Variants in ZC3H13 observed in about 807,000 individuals in gnomAD.
The protein encoded by ZC3H13 is zinc finger CCCH-type containing 13, also known as zinc finger CCCH domain-containing protein 13.
Under a neutral mutation model 204.1 loss-of-function variants are expected in ZC3H13, and 64 were observed. The ratio of observed to expected loss-of-function variants is 0.31; its 90% CI spans 0.26 to 0.39. The LOEUF (loss-of-function observed/expected upper bound fraction) is 0.39, where lower values mean the gene tolerates loss of function less well. Among genes scored for constraint, ZC3H13 ranks in the 10% least tolerant of loss-of-function variants. The probability of loss-of-function intolerance (pLI) is 1.00; values close to 1 mark genes in which losing one functional copy is unlikely to be tolerated. For missense variants in ZC3H13, 1,833 were observed against 2,082.7 expected, an observed-to-expected ratio of 0.88 and a Z score of 2.33; for synonymous variants, 667 against 693.7, an observed-to-expected ratio of 0.96 and a Z score of 0.60.
intron 9 of ZC3H13, among the ~76,000 whole-genome samples, chr13:45,986,487 T>C (rs1240391049): frequency 6.6e-6 from 1 of 152,186 alleles, no homozygotes; most frequent in Non-Finnish European, 1.5e-5. Flanking sequence ...ACTTGCACTT[T>C]TTAAAAGCTG....
rs1953697942 is a variant in ZC3H13 at position 45,982,173 on chromosome 13, T to C, written c.1721-2169A>G. Among the ~76,000 whole-genome samples, 3 of 152,006 alleles carry C rather than the reference T, an allele frequency of 2.0e-5. No homozygotes were observed. The South Asian group carries it at 6.2e-4, about 32-fold the overall frequency. On this transcript the variant is annotated intron_variant, in intron 10 of 18. Transcript: ENST00000679008. ...ACAAAGAATACAAATGTAACAGGCT[T>C]TTGAGACCTAAAAGAATTACAGCAT... is the stretch of plus-strand genomic sequence containing the variant.
At chr13:46,025,188 A>G (rs1460611145) in intron 4 of ZC3H13, among the ~76,000 whole-genome samples, 1 of 152,188 alleles carries the variant, frequency 6.6e-6, no homozygotes, top group Non-Finnish European at 1.5e-5. Flanking sequence ...TAATAATTCC[A>G]TATTTATTAT....
chr13:45,989,010 T>C lies in ZC3H13; in HGVS notation c.1032A>G (p.Arg344=). 5 of 1,614,162 alleles carry C rather than the reference T, an allele frequency of 3.1e-6. No homozygotes were observed. Among genetic ancestry groups the C allele is most frequent in the Non-Finnish European group, 4.2e-6 (5 of 1,180,016 alleles). Residue 344 remains arginine, a synonymous_variant, in exon 9 of 19, where the codon AGA becomes AGG. Coordinates refer to ENST00000679008, the MANE Select transcript of ZC3H13 (RefSeq NM_001330564.2). ...SSSQSGSSIQ[R]HSPSPRRKRT... is the part of the protein sequence containing the mutation. ...TTTTTCGACGAGGAGAAGGAGAATG[T>C]CTTTGAATAGATGATCCTGATTGTG...
At chr13:45,988,755 T>C (rs910642890) in intron 9 of ZC3H13, 32 bp downstream of exon 9, 5 of 1,565,404 alleles carry the variant, frequency 3.2e-6, no homozygotes, top group Non-Finnish European at 4.3e-6. Context: ...TGTTCAATTT[T>C]TCAATTAAAA....
At chr13:45,989,831 T>A (rs1475974984) in intron 8 of ZC3H13, among the ~76,000 whole-genome samples, 1 of 152,176 alleles carries the variant, frequency 6.6e-6, no homozygotes, top group African/African-American at 2.4e-5. Flanking sequence ...TAGAGTCTAT[T>A]ATACCTGGGT....
At position 46,052,625 on chromosome 13, in the gene ZC3H13, C is replaced by T. The variant is rs2044566915; in HGVS notation, c.-231G>A. The T allele has an allele frequency of 2.5e-6, 1 of 398,642 alleles. No individual in the cohort carries two copies. Among genetic ancestry groups the T allele is most frequent in the South Asian group, 1.3e-4 (1 of 7,870 alleles). The allele number at this position is 398,642 out of a possible 1,614,324, so 24.7% of individuals were successfully genotyped here. A position where few individuals can be genotyped will look rare whatever the true frequency, so the allele number is the denominator to read the frequency against. ...AACCCGCCCGCCGCCTCTCCAGGGTCAAGCGAAACTGGGTCGCAGGAAGAA... is the reference window on the plus strand; with the variant it reads ...AACCCGCCCGCCGCCTCTCCAGGGTTAAGCGAAACTGGGTCGCAGGAAGAA... On this transcript the variant is annotated 5_prime_UTR_variant, in exon 1 of 19. Transcript: ENST00000679008.
intron 8 of ZC3H13, among the ~76,000 whole-genome samples, chr13:45,996,035 C>T (rs908860354): frequency 3.9e-5 from 6 of 152,142 alleles, no homozygotes; most frequent in Admixed American, 3.3e-4. Context: ...CATACTGAAA[C>T]CAAAATATCT....
chr13:46,043,953 T>C (rs1361220945), intron 3 of ZC3H13, among the ~76,000 whole-genome samples: 5 of 151,942 alleles, frequency 3.3e-5, no homozygotes, highest in African/African-American at 9.7e-5. Context: ...CGTGTATATA[T>C]ACAAGTAAAC....
chr13:45,966,140 G>GA (rs1460754729), intron 15 of ZC3H13, among the ~76,000 whole-genome samples: 1 of 152,034 alleles, frequency 6.6e-6, no homozygotes, highest in Non-Finnish European at 1.5e-5. Context: ...GTCTCTTGGT[G>GA]AGTTAGTTGT....
At chr13:45,996,954 T>C (rs1381711413) in intron 8 of ZC3H13, among the ~76,000 whole-genome samples, 1 of 152,254 alleles carries the variant, frequency 6.6e-6, no homozygotes, top group Non-Finnish European at 1.5e-5. Context: ...CTGGGGGTCT[T>C]GGAATGTATT....
Position 45,969,754 on chromosome 13 carries a change from T to C in ZC3H13, c.2790A>G (p.Ser930=), listed in dbSNP as rs550374820. 1 of 1,613,334 alleles carries C rather than the reference T, an allele frequency of 6.2e-7. No individual in the cohort carries two copies. The highest frequency in any genetic ancestry group is 1.1e-5 in the South Asian group (1 of 91,054). The change falls in exon 14 of 19, where the codon TCA becomes TCG. Residue 930 remains serine, a synonymous_variant. Coordinates refer to ENST00000679008, the MANE Select transcript of ZC3H13 (RefSeq NM_001330564.2). ...QREQTEILES[S]RMRAQDIIGH... ...CTATAATGTCCTGTGCACGCATTCTTGAGCTTTCCAGGATTTCTGTCTGTT... is the reference window on the plus strand; with the variant it reads ...CTATAATGTCCTGTGCACGCATTCTCGAGCTTTCCAGGATTTCTGTCTGTT...
At chr13:46,017,875 C>T (rs945881521) in intron 5 of ZC3H13, among the ~76,000 whole-genome samples, 2 of 152,014 alleles carry the variant, frequency 1.3e-5, no homozygotes, top group Non-Finnish European at 2.9e-5. Context: ...CAGAGATACA[C>T]AATGGTCAAA....
Position 45,985,769 on chromosome 13 carries a change from G to A in ZC3H13, c.1256-8C>T. The A allele has an allele frequency of 2.5e-6, 4 of 1,573,954 alleles. No homozygotes were observed. Among genetic ancestry groups the A allele is most frequent in the Non-Finnish European group, 3.4e-6 (4 of 1,164,388 alleles). ...CTCGTTTGCCCCTAGTATCTGTAAT[G>A]CAATTTTGGAAATTGACTGTAATTG... is the stretch of plus-strand genomic sequence containing the variant. On this transcript the variant is annotated splice_region_variant and splice_polypyrimidine_tract_variant and intron_variant, in intron 9 of 18. Coordinates refer to ENST00000679008, the MANE Select transcript of ZC3H13 (RefSeq NM_001330564.2).
At chr13:46,014,375 C>A (rs930024056) in intron 5 of ZC3H13, among the ~76,000 whole-genome samples, 3 of 151,956 alleles carry the variant, frequency 2.0e-5, no homozygotes, top group Non-Finnish European at 4.4e-5. Flanking sequence ...CACAACAGGC[C>A]CTGGTGTGTG....
chr13:45,990,542 T>C, intron 8 of ZC3H13, among the ~76,000 whole-genome samples: 1 of 152,314 alleles, frequency 6.6e-6, no homozygotes, highest in South Asian at 2.1e-4. Context: ...TTTATACTTT[T>C]AATAAAATAG....
intron 1 of ZC3H13, among the ~76,000 whole-genome samples, chr13:46,046,667 C>CA (rs145600332): frequency 0.76 from 114,543 of 150,106 alleles, 43,962 homozygotes; most frequent in African/African-American, 0.83. Flanking sequence ...GACTCCATCT[C>CA]AAAAAAAACA....
rs74778660 is a variant in ZC3H13 at position 46,000,424 on chromosome 13, A to G, written c.944+2715T>C. Among the ~76,000 whole-genome samples, 1,146 of 152,296 alleles carry G rather than the reference A, an allele frequency of 7.5e-3. 15 individuals are homozygous for G. The highest frequency in any genetic ancestry group is 0.027 in the African/African-American group (1,107 of 41,556). On this transcript the variant is annotated intron_variant, in intron 8 of 18. Coordinates refer to ENST00000679008, the MANE Select transcript of ZC3H13 (RefSeq NM_001330564.2). Reference sequence around the variant, plus strand: ...GCACTTTTGTGCTGCTTCATCTTGCACTTTTGTGCTACGGAGATGGCTTCA... The same window carrying G: ...GCACTTTTGTGCTGCTTCATCTTGCGCTTTTGTGCTACGGAGATGGCTTCA...
chr13:45,991,496 A>G (rs1308528388), intron 8 of ZC3H13, among the ~76,000 whole-genome samples: 2 of 152,236 alleles, frequency 1.3e-5, no homozygotes, highest in African/African-American at 2.4e-5. Flanking sequence ...CTAAGCAACG[A>G]AACTGTCTTG....
chr13:45,959,644 C>A lies in ZC3H13; in HGVS notation c.4678G>T (p.Ala1560Ser). ...CQRLLEKPKD[A>S]DNLFEHELGA... is the part of the protein sequence containing the mutation. ...AATTCATGTTCAAAGAGATTGTCTG[C>A]ATCTTTCAAAAAAAAGTAAACATGC... Residue 1560 changes from alanine to serine, a missense_variant and splice_region_variant, in exon 18 of 19, where the codon GCA (alanine) becomes TCA (serine). By Grantham distance (99) the Ala-to-Ser change is moderately conservative. Around this residue, in one of 5 missense-constraint regions of ZC3H13, gnomAD observed 211 missense variants for 228.4 expected, o/e 0.92. Transcript: ENST00000679008. The A allele has an allele frequency of 6.6e-7, 1 of 1,510,476 alleles. No homozygotes were observed. The highest frequency in any genetic ancestry group is 1.4e-5 in the African/African-American group (1 of 70,462). 93.6% of individuals were successfully genotyped at this position (1,510,476 alleles called of 1,614,324 possible).
Sources: allele counts gnomAD v4.1 joint callset (sites outside exome capture counted in the v4.1 genomes callset), GRCh38; gene constraint gnomAD v4.1.1; regional missense constraint gnomAD v4.1.1; transcripts MANE v1.5; gene names NCBI Gene and HGNC (gene_info 2026-07-23, HGNC 2026-07-21).